The following KIAA1755 variants were observed in gnomAD, a reference collection of about 807,000 sequenced individuals.
KIAA1755 encodes uncharacterized protein KIAA1755.
In KIAA1755, 68 loss-of-function variants were observed where a neutral mutation model predicts 91.7. The observed-to-expected ratio is 0.74, with a 90% CI of 0.61 to 0.91. The LOEUF (loss-of-function observed/expected upper bound fraction) is 0.91. Ranked by LOEUF, KIAA1755 falls within the 40% of genes least tolerant of loss-of-function variation. The probability of loss-of-function intolerance (pLI) is 0.00; values close to 1 mark genes in which losing one functional copy is unlikely to be tolerated. For missense variants in KIAA1755, 1,535 were observed against 1,494.4 expected (o/e 1.03, Z -0.45); for synonymous variants, 610 against 604.6 (o/e 1.01, Z -0.13).
At chr20:38,249,136 A>C (rs893138013) in intron 1 of KIAA1755, among the ~76,000 whole-genome samples, 3 of 152,152 alleles carry the variant, frequency 2.0e-5, no homozygotes, top group African/African-American at 7.2e-5. Flanking sequence ...TCGCCTTCCC[A>C]AAATGCTGGG....
intron 2 of KIAA1755, among the ~76,000 whole-genome samples, chr20:38,245,634 C>T (rs753340353): frequency 1.5e-4 from 23 of 152,206 alleles, no homozygotes; most frequent in African/African-American, 4.8e-4. Flanking sequence ...CAATGTCAGG[C>T]GCAGGGCAGG....
rs759740772 is a variant in KIAA1755, at chr20:38,213,376, C to T, written c.3269G>A (p.Trp1090Ter). Residue 1090 changes from tryptophan (W) to a stop codon, truncating the protein, a stop_gained, in exon 14 of 14, where the codon TGG becomes TAG. Transcript: ENST00000279024. LOFTEE classifies it low-confidence loss of function (END_TRUNC). ...VSVEVTSKGR[W>*]DQPPLDSLGM... ...CAGTGAGTCTAGTGGAGGCTGATCC[C>T]ACCTCCCCTTGGAAGTGACCTCTAC... 4.9e-5 allele frequency: 78 copies of T among 1,604,814 alleles called. No homozygotes were observed. Among genetic ancestry groups the T allele is most frequent in the Admixed American group, 3.1e-4 (18 of 58,644 alleles).
In KIAA1755 at chr20:38,213,069, G is replaced by GGGTGAGTCCTCAA; in HGVS notation, c.3563_3575dup (p.Gln1193Ter). The GGGTGAGTCCTCAA allele has an allele frequency of 6.4e-7, 1 of 1,561,078 alleles. No homozygotes were observed. The highest frequency in any genetic ancestry group is 1.4e-5 in the African/African-American group (1 of 73,812). The stretch of plus-strand genomic sequence containing the variant: ...AGAGGGAGGCAAGGGGACTTGTCTG[G>GGGTGAGTCCTCAA]GGTGAGTCCTCAAGGGATGTCTGTG... On this transcript the variant is annotated stop_gained and frameshift_variant, in exon 14 of 14. Transcript: ENST00000279024. LOFTEE classifies it high-confidence loss of function.
Position 38,222,543 on chromosome 20 carries a change from C to T in KIAA1755, c.2323G>A (p.Asp775Asn). 2.5e-6 allele frequency: 4 copies of T among 1,613,564 alleles called. No individual in the cohort carries two copies. The highest frequency in any genetic ancestry group is 3.4e-6 in the Non-Finnish European group (4 of 1,179,978). Residue 775 changes from aspartate to asparagine, a missense_variant, in exon 10 of 14, where the codon GAC becomes AAC. Physicochemically the swap from Asp to Asn is conservative, Grantham distance 23. Transcript: ENST00000279024. ...CGCTGGAGGCCCAGTAGGCCGGGGTCCCTCAGCACAGCCTCCATCAGCTCC... is the reference window on the plus strand; with the variant it reads ...CGCTGGAGGCCCAGTAGGCCGGGGTTCCTCAGCACAGCCTCCATCAGCTCC... ...SKELMEAVLRDPGLLGLQREG... is the reference protein window; with the variant it reads ...SKELMEAVLRNPGLLGLQREG...
chr20:38,216,261 C>T (rs2075541960), intron 13 of KIAA1755, among the ~76,000 whole-genome samples: 1 of 152,260 alleles, frequency 6.6e-6, no homozygotes, highest in African/African-American at 2.4e-5. Context: ...CTGTACACAG[C>T]TGGAACTGGG....
intron 1 of KIAA1755, among the ~76,000 whole-genome samples, chr20:38,259,824 A>ACACACACACACC: frequency 7.7e-6 from 1 of 130,586 alleles, no homozygotes; most frequent in Non-Finnish European, 1.7e-5. Flanking sequence ...CCACCACCAC[A>ACACACACACACC]CACACACACA....
In KIAA1755 at chr20:38,212,949, C is replaced by T. The variant is rs1479281265; in HGVS notation, c.*93G>A. ...TAAAACCAGTGCTCCATGGTGACGT[C>T]TCACTGGGACTGACCAGAGCTCCCA... is the stretch of plus-strand genomic sequence containing the variant. On this transcript the variant is annotated 3_prime_UTR_variant, in exon 14 of 14. Transcript: ENST00000279024. 1.3e-5 allele frequency: 12 copies of T among 935,514 alleles called. No homozygotes were observed. Among genetic ancestry groups the T allele is most frequent in the Non-Finnish European group, 1.7e-5 (11 of 634,782 alleles). 58.0% of individuals were successfully genotyped at this position (935,514 alleles called of 1,614,324 possible). A position where few individuals can be genotyped will look rare whatever the true frequency, so the allele number is the denominator to read the frequency against.
chr20:38,237,614 TATG>T (rs1197555457), intron 4 of KIAA1755, among the ~76,000 whole-genome samples: 3 of 150,838 alleles, frequency 2.0e-5, no homozygotes, highest in Non-Finnish European at 4.4e-5. Context: ...GTGAGGAAGA[TATG>T]ATGATGGGGA....
chr20:38,239,780 A>T, intron 3 of KIAA1755, 55 bp from the exon 4 acceptor site: 1 of 1,467,790 alleles, frequency 6.8e-7, no homozygotes, highest in South Asian at 1.1e-5. Context: ...GGGCTTTCTA[A>T]GGGGAAAACG....
intron 10 of KIAA1755, among the ~76,000 whole-genome samples, chr20:38,220,050 TGCC>T (rs1185181032): frequency 6.6e-6 from 1 of 152,242 alleles, no homozygotes; most frequent in Non-Finnish European, 1.5e-5. Flanking sequence ...CCAGCTCTGC[TGCC>T]TTCTAGTAGG....
At chr20:38,251,731 A>G (rs1490900673) in intron 1 of KIAA1755, among the ~76,000 whole-genome samples, 1 of 151,854 alleles carries the variant, frequency 6.6e-6, no homozygotes, top group African/African-American at 2.4e-5. Flanking sequence ...GCGCCCAGCT[A>G]ATTTTTGTAG....
chr20:38,245,595 A>G (rs765855829), intron 2 of KIAA1755, among the ~76,000 whole-genome samples: 58 of 152,222 alleles, frequency 3.8e-4, no homozygotes, highest in Non-Finnish European at 5.1e-4. Flanking sequence ...AAGCTGCCTC[A>G]CTTCACCAAA....
rs147345683 is a variant in KIAA1755, at chr20:38,244,157, G to A, written c.201+1772C>T. Among the ~76,000 whole-genome samples, 920 of 152,254 alleles carry A rather than the reference G, an allele frequency of 6.0e-3. 16 individuals carry two copies. Among genetic ancestry groups the A allele is most frequent in the African/African-American group, 0.021 (882 of 41,524 alleles). Reference sequence around the variant, plus strand: ...GGAAATGTTGTTACCTTGAGGAAGCGGCCAGTGCAAATGAAGTTTAAATGG... The same window carrying A: ...GGAAATGTTGTTACCTTGAGGAAGCAGCCAGTGCAAATGAAGTTTAAATGG... On this transcript the variant is annotated intron_variant, in intron 2 of 13. Coordinates refer to ENST00000279024, the MANE Select transcript of KIAA1755 (RefSeq NM_001029864.2).
At position 38,241,491 on chromosome 20, in the gene KIAA1755, G is replaced by A. The variant is rs1241487946; in HGVS notation, c.640C>T (p.Pro214Ser). ...LPLEALDLSS[P>S]QELHQASSPD... ...GAGCTGGCCTGGTGCAACTCTTGAG[G>A]GCTGCTCAAATCCAGTGCCTCTAAT... The change falls in exon 3 of 14, where the codon CCT becomes TCT. Residue 214 changes from proline to serine, a missense_variant. Physicochemically the swap from Pro to Ser is moderately conservative, Grantham distance 74 (BLOSUM62 -1). Transcript: ENST00000279024. 4 of 1,614,094 alleles carry A rather than the reference G, an allele frequency of 2.5e-6. No individual in the cohort carries two copies. The Admixed American group carries it at 6.7e-5, about 27-fold the overall frequency.
In KIAA1755 at chr20:38,225,685, C is replaced by G. The variant is rs201191475; in HGVS notation, c.2149G>C (p.Glu717Gln). 1 of 1,612,360 alleles carries G rather than the reference C, an allele frequency of 6.2e-7. No individual in the cohort carries two copies. The highest frequency in any genetic ancestry group is 1.1e-5 in the South Asian group (1 of 91,034). The change falls in exon 8 of 14, where the codon GAG becomes CAG. Residue 717 changes from glutamate to glutamine, a missense_variant. Transcript: ENST00000279024. ...LEGPFPYCHT[E>Q]WVHFFQKLDP... ...AACACCTGGAAGAAATGAACCCACT[C>G]GGTGTGGCAGTAGGGGAAGGGGCCT...
intron 4 of KIAA1755, chr20:38,233,671 C>T (rs2123179277): frequency 6.6e-6 from 1 of 152,276 alleles, no homozygotes; most frequent in South Asian, 2.1e-4. Flanking sequence ...TCAATTGCAG[C>T]TCTGATGGTG....
Position 38,241,939 on chromosome 20 carries a change from G to C in KIAA1755, c.202-10C>G. On this transcript the variant is annotated splice_polypyrimidine_tract_variant and intron_variant, in intron 2 of 13. Coordinates refer to ENST00000279024, the MANE Select transcript of KIAA1755 (RefSeq NM_001029864.2). ...AGTGTGAGTAGGGAGCCTGTGGAGA[G>C]AAGGGGATGGCATCAGAGAACCTGG... 1.2e-6 allele frequency: 2 copies of C among 1,603,516 alleles called. No individual in the cohort carries two copies. Among genetic ancestry groups the C allele is most frequent in the Non-Finnish European group, 1.7e-6 (2 of 1,174,156 alleles).
intron 5 of KIAA1755, among the ~76,000 whole-genome samples, chr20:38,229,778 C>G (rs145024255): frequency 6.6e-6 from 1 of 152,148 alleles, no homozygotes; most frequent in Non-Finnish European, 1.5e-5. Flanking sequence ...TTCAGGCGAG[C>G]CTTGGGGAGG....
At position 38,213,122 on chromosome 20, in the gene KIAA1755, C is replaced by A. The variant is rs772796748; in HGVS notation, c.3523G>T (p.Gly1175Cys). 4 of 1,608,456 alleles carry A rather than the reference C, an allele frequency of 2.5e-6. No homozygotes were observed. The South Asian group carries it at 4.4e-5, about 18-fold the overall frequency. The change falls in exon 14 of 14, where the codon GGC (glycine) becomes TGC (cysteine). Residue 1175 changes from glycine (G) to cysteine (C), a missense_variant. Coordinates refer to ENST00000279024, the MANE Select transcript of KIAA1755 (RefSeq NM_001029864.2). ...RQSQVPRLTG[G>C]SFSSEGTDSQ... Reference sequence around the variant, plus strand: ...TCTGTCCCCTCTGAGGAGAAGCTGCCCCCAGTGAGGCGAGGGACCTGGCTC... The same window carrying A: ...TCTGTCCCCTCTGAGGAGAAGCTGCACCCAGTGAGGCGAGGGACCTGGCTC...
Sources: allele counts gnomAD v4.1 joint callset (sites outside exome capture counted in the v4.1 genomes callset), GRCh38; gene constraint gnomAD v4.1.1; transcripts MANE v1.5; gene names NCBI Gene and HGNC (gene_info 2026-07-23, HGNC 2026-07-21).